Variants in GALNT18 observed in about 807,000 individuals in gnomAD.
The protein encoded by GALNT18 is GalNAc-transferase 18.
In GALNT18, 44 loss-of-function variants were observed where a neutral mutation model predicts 69.5. That is an observed-to-expected ratio of 0.63 (90% CI 0.50 to 0.81). The LOEUF is 0.81. Ranked by LOEUF, GALNT18 falls within the 40% of genes least tolerant of loss-of-function variation. The pLI is 0.00. For synonymous variants in GALNT18, 364 were observed against 318.2 expected (o/e 1.14, Z -1.53); for missense variants, 715 against 810.0 (o/e 0.88, Z 1.42).
rs557317582 is a variant in GALNT18 at position 11,445,938 on chromosome 11, T to C, written c.428+2806A>G. ...CCTAAAGTCCTTCAGAGTTCCTCCCTCTCTCAGGCAAATTCCTCCCACAGG... is the reference window on the plus strand; with the variant it reads ...CCTAAAGTCCTTCAGAGTTCCTCCCCCTCTCAGGCAAATTCCTCCCACAGG... On this transcript the variant is annotated intron_variant, in intron 2 of 10. Transcript: ENST00000227756. Among the ~76,000 whole-genome samples the C allele has an allele frequency of 8.5e-5, 13 of 152,242 alleles. No homozygotes were observed. In the East Asian group the frequency reaches 2.5e-3, roughly 29 times the overall value.
At chr11:11,612,398 T>C (rs2133965265) in intron 1 of GALNT18, among the ~76,000 whole-genome samples, 1 of 152,368 alleles carries the variant, frequency 6.6e-6, no homozygotes, top group Middle Eastern at 3.4e-3. Flanking sequence ...TTAAAATAAA[T>C]CAAGGGTTTA....
At chr11:11,335,205 A>G (rs148219941) in intron 7 of GALNT18, among the ~76,000 whole-genome samples, 1,827 of 152,294 alleles carry the variant, frequency 0.012, 36 homozygotes, top group Middle Eastern at 0.027. Context: ...GCCTCCCTCC[A>G]TACGATCGAG....
At chr11:11,282,475 C>T (rs1050141428) in intron 10 of GALNT18, among the ~76,000 whole-genome samples, 1 of 152,208 alleles carries the variant, frequency 6.6e-6, no homozygotes, top group African/African-American at 2.4e-5. Flanking sequence ...GACTGAGGCC[C>T]AGAGAGGCTG....
chr11:11,578,769 G>T (rs538098280), intron 1 of GALNT18, among the ~76,000 whole-genome samples: 1 of 152,228 alleles, frequency 6.6e-6, no homozygotes, highest in Admixed American at 6.5e-5. Flanking sequence ...CGGGACTCCT[G>T]CTGCATTAGC....
In GALNT18 at chr11:11,540,365, C is replaced by A. The variant is rs1313990729; in HGVS notation, c.235+80994G>T. On this transcript the variant is annotated intron_variant, in intron 1 of 10. Transcript: ENST00000227756. This position sits in a 1 kb window ranked among gnomAD's most constrained non-coding sequence, Gnocchi z 4.6. ...TACATCCCTGATGCTAGGACAAGAG[C>A]ATGCCAAGAGCCCTGGGTGGTTTGG... Among the ~76,000 whole-genome samples the A allele has an allele frequency of 6.6e-6, 1 of 152,166 alleles. No individual in the cohort carries two copies. Among genetic ancestry groups the A allele is most frequent in the African/African-American group, 2.4e-5 (1 of 41,420 alleles).
intron 3 of GALNT18, among the ~76,000 whole-genome samples, chr11:11,394,739 T>C (rs1245201028): frequency 6.6e-6 from 1 of 152,174 alleles, no homozygotes. Flanking sequence ...AGGACAGGGA[T>C]AGATATAATT....
chr11:11,599,320 G>C (rs762623376), intron 1 of GALNT18, among the ~76,000 whole-genome samples: 1 of 151,988 alleles, frequency 6.6e-6, no homozygotes, highest in Non-Finnish European at 1.5e-5. Context: ...TCCTCCTTAT[G>C]GATTGATCCT....
intron 3 of GALNT18, among the ~76,000 whole-genome samples, chr11:11,425,883 T>C (rs1458030211): frequency 6.6e-6 from 1 of 152,266 alleles, no homozygotes; most frequent in Admixed American, 6.5e-5. Flanking sequence ...GATGCCTCTA[T>C]TGACTGAAAA....
chr11:11,359,622 G>A (rs1214986654), intron 6 of GALNT18, among the ~76,000 whole-genome samples: 4 of 152,148 alleles, frequency 2.6e-5, no homozygotes, highest in Non-Finnish European at 5.9e-5. Flanking sequence ...TGTCCAGTGA[G>A]GACATTGTGT....
intron 6 of GALNT18, among the ~76,000 whole-genome samples, chr11:11,349,929 T>C (rs1246910420): frequency 1.4e-5 from 2 of 147,910 alleles, no homozygotes; most frequent in Non-Finnish European, 3.0e-5. Context: ...GTGGAATTGC[T>C]GCTTGGAAAA....
rs1296074473 is a variant in GALNT18 at position 11,603,013 on chromosome 11, A to C, written c.235+18346T>G. On this transcript the variant is annotated intron_variant, in intron 1 of 10. Transcript: ENST00000227756. The surrounding 1 kb of genome is among the most constrained non-coding windows in gnomAD (Gnocchi z 4.5). ...TTGGGTTGTCCCATATAACCTGAGA[A>C]TATTAAATTGCTAAAAACTCTGGTT... Among the ~76,000 whole-genome samples the C allele has an allele frequency of 6.6e-6, 1 of 152,226 alleles. No individual in the cohort carries two copies. Among genetic ancestry groups the C allele is most frequent in the South Asian group, 2.1e-4 (1 of 4,832 alleles).
In GALNT18 at chr11:11,499,877, G is replaced by T. The variant is rs117640842; in HGVS notation, c.236-50941C>A. Among the ~76,000 whole-genome samples the T allele has an allele frequency of 9.0e-3, 1,374 of 152,258 alleles. 13 individuals are homozygous for T. The highest frequency in any genetic ancestry group is 0.017 in the Middle Eastern group (5 of 294). On this transcript the variant is annotated intron_variant, in intron 1 of 10. Coordinates refer to ENST00000227756, the MANE Select transcript of GALNT18 (RefSeq NM_198516.3). Reference sequence around the variant, plus strand: ...ATGGGAAGAGGGTCTCCAACACCAGGTATCAGCAAAATTCTGGTGGCAGCT... The same window carrying T: ...ATGGGAAGAGGGTCTCCAACACCAGTTATCAGCAAAATTCTGGTGGCAGCT...
intron 1 of GALNT18, among the ~76,000 whole-genome samples, chr11:11,567,427 A>G (rs1410831710): frequency 1.3e-5 from 2 of 152,212 alleles, no homozygotes; most frequent in African/African-American, 2.4e-5. Context: ...AAGGAGATTC[A>G]GTTTTGATTT....
intron 1 of GALNT18, among the ~76,000 whole-genome samples, chr11:11,515,406 C>G (rs7101505): frequency 0.16 from 24,163 of 152,094 alleles, 2,127 homozygotes; most frequent in Middle Eastern, 0.21. Flanking sequence ...ACACCTGTGA[C>G]TGGCAGACAC....
intron 1 of GALNT18, among the ~76,000 whole-genome samples, chr11:11,486,729 T>G (rs929274925): frequency 1.4e-4 from 21 of 152,232 alleles, no homozygotes; most frequent in African/African-American, 5.1e-4. Flanking sequence ...AGCTGTGCTC[T>G]GCTACCAGGA....
At position 11,584,953 on chromosome 11, in the gene GALNT18, G is replaced by A. The variant is rs1289335741; in HGVS notation, c.235+36406C>T. 2.0e-5 allele frequency among the ~76,000 whole-genome samples: 3 copies of A among 152,114 alleles called. No homozygotes were observed. The highest frequency in any genetic ancestry group is 4.4e-5 in the Non-Finnish European group (3 of 68,030). On this transcript the variant is annotated intron_variant, in intron 1 of 10. Transcript: ENST00000227756. The surrounding 1 kb of genome is among the most constrained non-coding windows in gnomAD (Gnocchi z 4.1). ...GAAAATTTATAATTATGGAAAACTT[G>A]CCTCCACCACTATGAGCTTGACGGC...
intron 1 of GALNT18, among the ~76,000 whole-genome samples, chr11:11,558,017 G>A (rs1326072859): frequency 6.6e-6 from 1 of 152,220 alleles, no homozygotes; most frequent in Admixed American, 6.5e-5. Flanking sequence ...AGGCAGTGAG[G>A]CAGGGGTGGA....
chr11:11,517,236 C>T (rs755362985), intron 1 of GALNT18, among the ~76,000 whole-genome samples: 1 of 152,216 alleles, frequency 6.6e-6, no homozygotes, highest in East Asian at 1.9e-4. Flanking sequence ...CCTGAACAGA[C>T]TAAGATACCC....
rs1253928259 is a variant in GALNT18, at chr11:11,444,137, G to T, written c.428+4607C>A. ...CCCAGGGAAGCCGGCACAGGGAGGT[G>T]CCTTGCAGATGCCACCCTCCAGGCC... On this transcript the variant is annotated intron_variant, in intron 2 of 10. Coordinates refer to ENST00000227756, the MANE Select transcript of GALNT18 (RefSeq NM_198516.3). This position sits in a 1 kb window ranked among gnomAD's most constrained non-coding sequence, Gnocchi z 4.4. Among the ~76,000 whole-genome samples the T allele has an allele frequency of 3.9e-5, 6 of 152,134 alleles. No individual in the cohort carries two copies. The highest frequency in any genetic ancestry group is 1.3e-4 in the Admixed American group (2 of 15,284).
Sources: allele counts gnomAD v4.1 joint callset (sites outside exome capture counted in the v4.1 genomes callset), GRCh38; gene constraint gnomAD v4.1.1; non-coding constraint Gnocchi (gnomAD v3.1); transcripts MANE v1.5; gene names NCBI Gene and HGNC (gene_info 2026-07-23, HGNC 2026-07-21).